Variants in ARMC2 observed in about 807,000 individuals in gnomAD.
The protein encoded by ARMC2 is armadillo repeat-containing protein 2.
A neutral mutation model predicts 90.3 loss-of-function variants in ARMC2; 67 were observed. That is an observed-to-expected ratio of 0.74 (90% CI 0.61 to 0.91). The LOEUF is 0.91. ARMC2 is among the 40% of genes least tolerant of loss of function. The probability of loss-of-function intolerance (pLI) is 0.00; values close to 1 mark genes in which losing one functional copy is unlikely to be tolerated. For missense variants in ARMC2, 920 were observed against 1,030.9 expected, an observed-to-expected ratio of 0.89 and a Z score of 1.47; for synonymous variants, 393 against 393.0, an observed-to-expected ratio of 1.00 and a Z score of 0.00.
At chr6:108,931,105 T>C (rs1441904812) in intron 11 of ARMC2, among the ~76,000 whole-genome samples, 1 of 151,374 alleles carries the variant, frequency 6.6e-6, no homozygotes, top group Non-Finnish European at 1.5e-5. Context: ...CCCCAACATC[T>C]GTTGTTTTCT....
chr6:109,043,372 A>C, the ARMC2 span, among the ~76,000 whole-genome samples: 2 of 152,148 alleles, frequency 1.3e-5, no homozygotes, highest in African/African-American at 4.8e-5. Flanking sequence ...AATAAAAGCC[A>C]TACAGATAAA....
At chr6:109,038,787 G>T in the ARMC2 span, among the ~76,000 whole-genome samples, 2 of 152,066 alleles carry the variant, frequency 1.3e-5, no homozygotes, top group African/African-American at 4.8e-5. Context: ...CTCCATTGTA[G>T]GGATCAGCTA....
At chr6:108,851,619 A>G (rs1774019326) in intron 1 of ARMC2, among the ~76,000 whole-genome samples, 1 of 151,920 alleles carries the variant, frequency 6.6e-6, no homozygotes, top group African/African-American at 2.4e-5. Flanking sequence ...CATATATCAT[A>G]GCTTTTTTTT....
At chr6:108,972,839 AT>A (rs113667720) in intron 17 of ARMC2, among the ~76,000 whole-genome samples, 1,659 of 137,766 alleles carry the variant, frequency 0.012, 8 homozygotes, top group South Asian at 0.019. Context: ...TAATCTTCTG[AT>A]TTTTTTTTTT....
At chr6:108,874,656 G>A (rs944383975) in intron 4 of ARMC2, among the ~76,000 whole-genome samples, 2 of 152,088 alleles carry the variant, frequency 1.3e-5, no homozygotes, top group Non-Finnish European at 2.9e-5. Context: ...TCCCCAAGAG[G>A]TGGGGACCAT....
intron 16 of ARMC2, 141 bp downstream of exon 16, chr6:108,964,453 G>T: frequency 2.0e-6 from 2 of 996,954 alleles, no homozygotes; most frequent in Non-Finnish European, 1.4e-6. Flanking sequence ...TAAAGAGGGG[G>T]TTTAGATTCC....
chr6:109,041,437 T>C, the ARMC2 span, among the ~76,000 whole-genome samples: 2 of 152,184 alleles, frequency 1.3e-5, no homozygotes, highest in Non-Finnish European at 2.9e-5. Flanking sequence ...CTTACGCCAC[T>C]AACAAGTAAC....
At chr6:108,971,881 A>G (rs1368519872) in intron 17 of ARMC2, among the ~76,000 whole-genome samples, 3 of 151,102 alleles carry the variant, frequency 2.0e-5, no homozygotes, top group East Asian at 3.9e-4. Flanking sequence ...AGACTGCGCC[A>G]CTGCACTCCA....
the ARMC2 span, chr6:108,994,546 G>A: frequency 3.7e-6 from 6 of 1,613,094 alleles, no homozygotes; most frequent in East Asian, 2.2e-5. Flanking sequence ...TCTTCATCTC[G>A]ACATTCCTGT....
chr6:108,953,994 A>T lies in ARMC2; in HGVS notation c.1915+643A>T, dbSNP rs376776642. On this transcript the variant is annotated intron_variant, in intron 13 of 17. Transcript: ENST00000392644. The stretch of plus-strand genomic sequence containing the variant: ...GTGAGGGCTCTTCCTCCTGGCCTGC[A>T]GACAGCCACCTACTCACTGTGTGCT... 5.3e-5 allele frequency among the ~76,000 whole-genome samples: 8 copies of T among 152,314 alleles called. No homozygotes were observed. In the East Asian group the frequency reaches 9.6e-4, roughly 18 times the overall value.
chr6:108,889,980 A>C (rs1217056056), intron 5 of ARMC2, among the ~76,000 whole-genome samples: 2 of 148,900 alleles, frequency 1.3e-5, no homozygotes, highest in East Asian at 4.1e-4. Context: ...CGAGGTCAGG[A>C]GATCGAGACC....
At chr6:108,992,700 A>C in the ARMC2 span, 2 of 817,772 alleles carry the variant, frequency 2.4e-6, no homozygotes, top group Non-Finnish European at 4.3e-6. Flanking sequence ...CACTTAGCAT[A>C]GTTCTCAAAT....
At chr6:108,857,467 T>A (rs1044352464) in intron 2 of ARMC2, among the ~76,000 whole-genome samples, 1 of 152,222 alleles carries the variant, frequency 6.6e-6, no homozygotes, top group African/African-American at 2.4e-5. Context: ...GAAAGAGTTG[T>A]TTCTTCCGTC....
chr6:108,850,825 C>A (rs868590188), intron 1 of ARMC2, among the ~76,000 whole-genome samples: 19 of 152,248 alleles, frequency 1.2e-4, no homozygotes, highest in South Asian at 4.1e-4. Flanking sequence ...ACCACATGTA[C>A]AGGGAATTCT....
At chr6:108,864,545 C>T (rs990437481) in intron 3 of ARMC2, among the ~76,000 whole-genome samples, 6 of 152,168 alleles carry the variant, frequency 3.9e-5, no homozygotes, top group African/African-American at 1.2e-4. Flanking sequence ...CCACGCCTGG[C>T]GGCTTGCGAG....
the ARMC2 span, among the ~76,000 whole-genome samples, chr6:109,034,042 C>G: frequency 3.9e-5 from 6 of 152,182 alleles, no homozygotes; most frequent in Non-Finnish European, 7.4e-5. Flanking sequence ...TAGAGAGCCA[C>G]AGGATTACAT....
intron 15 of ARMC2, among the ~76,000 whole-genome samples, chr6:108,963,554 T>C (rs1778147918): frequency 6.6e-6 from 1 of 152,202 alleles, no homozygotes; most frequent in Admixed American, 6.5e-5. Context: ...ATGCACACTT[T>C]ACTCACTCTT....
chr6:108,960,509 G>C (rs934326724), intron 13 of ARMC2, among the ~76,000 whole-genome samples: 1 of 152,232 alleles, frequency 6.6e-6, no homozygotes, highest in African/African-American at 2.4e-5. Context: ...CACTGTTCTA[G>C]AAGCTGGGAA....
chr6:108,870,939 A>G (rs1441558396), intron 4 of ARMC2, among the ~76,000 whole-genome samples: 2 of 152,226 alleles, frequency 1.3e-5, no homozygotes, highest in South Asian at 4.1e-4. Context: ...TCTGAAGAAG[A>G]TAAACAAGAT....
Sources: gnomAD v4.1 joint callset for allele counts (sites outside exome capture counted in the v4.1 genomes callset) on GRCh38, gnomAD v4.1.1 for gene constraint, MANE v1.5 for transcripts, NCBI Gene and HGNC (gene_info 2026-07-23, HGNC 2026-07-21) for gene names.